GTF2A2: variants seen among roughly 807,000 people sequenced by gnomAD.
GTF2A2 encodes the protein transcription initiation factor IIA subunit 2.
GTF2A2 carries 9 observed loss-of-function variants against 14.3 expected under a neutral mutation model. The observed-to-expected ratio is 0.63, with a 90% CI of 0.38 to 1.10. GTF2A2 has a LOEUF of 1.10. Among genes scored for constraint, GTF2A2 ranks in the 50% least tolerant of loss-of-function variants. The pLI, the probability that GTF2A2 is intolerant of heterozygous loss-of-function variation, is 0.01. For synonymous variants in GTF2A2, 56 were observed against 46.0 expected (o/e 1.22, Z -0.88); for missense variants, 90 against 124.6 (o/e 0.72, Z 1.32).
rs755834900 is a variant in GTF2A2 at position 59,642,184 on chromosome 15, C to G, written c.256G>C (p.Glu86Gln). 6.2e-7 allele frequency: 1 copy of G among 1,610,424 alleles called. No individual in the cohort carries two copies. Among genetic ancestry groups the G allele is most frequent in the South Asian group, 1.1e-5 (1 of 90,562 alleles). The change falls in exon 4 of 5, where the codon GAA (glutamate) becomes CAA (glutamine). Residue 86 changes from glutamate to glutamine, a missense_variant. Physicochemically the swap from Glu to Gln is conservative, Grantham distance 29. Coordinates refer to ENST00000396060, the MANE Select transcript of GTF2A2 (RefSeq NM_004492.3). ...LNDVEFREVTELIKVDKVKIV... is the reference protein window; with the variant it reads ...LNDVEFREVTQLIKVDKVKIV... ...TTCACTTTATCCACTTTAATAAGTT[C>G]TGTCACCTCTCTGAATTCAACATCA...
At chr15:59,656,728 G>GTATTTGTCCCATTTGACAAATT (rs1891955737) in intron 1 of GTF2A2, 1 of 152,140 alleles carries the variant, frequency 6.6e-6, no homozygotes, top group Admixed American at 6.5e-5. Flanking sequence ...ATCGTGCATC[G>GTATTTGTCCCATTTGACAAATT]TGTCCCATTT....
intron 3 of GTF2A2, among the ~76,000 whole-genome samples, chr15:59,644,829 G>A (rs1024071086): frequency 6.6e-6 from 1 of 152,206 alleles, no homozygotes; most frequent in African/African-American, 2.4e-5. Flanking sequence ...GAGAACCTTG[G>A]AAAACCTTTG....
intron 1 of GTF2A2, among the ~76,000 whole-genome samples, chr15:59,653,164 G>C (rs569173658): frequency 3.3e-5 from 5 of 152,260 alleles, no homozygotes; most frequent in African/African-American, 1.2e-4. Context: ...AGAATTTTAG[G>C]CAGGAAAGGT....
At position 59,652,225 on chromosome 15, in the gene GTF2A2, C is replaced by A; in HGVS notation, c.53G>T (p.Ser18Ile). 4 of 1,593,140 alleles carry A rather than the reference C, an allele frequency of 2.5e-6. No individual in the cohort carries two copies. Among genetic ancestry groups the A allele is most frequent in the Non-Finnish European group, 3.4e-6 (4 of 1,161,954 alleles). Residue 18 changes from serine to isoleucine, a missense_variant, in exon 2 of 5, where the codon AGC becomes ATC. Physicochemically the swap from Ser to Ile is moderately radical, Grantham distance 142 (BLOSUM62 -2). Coordinates refer to ENST00000396060, the MANE Select transcript of GTF2A2 (RefSeq NM_004492.3). ...NTTLGNSLQESLDELIQSQQI... is the reference protein window; with the variant it reads ...NTTLGNSLQEILDELIQSQQI... ...TCCCACCTGTATGAGCTCATCTAGGCTCTCCTGAAGACTGTTTCCCAAAGT... is the reference window on the plus strand; with the variant it reads ...TCCCACCTGTATGAGCTCATCTAGGATCTCCTGAAGACTGTTTCCCAAAGT...
intron 3 of GTF2A2, among the ~76,000 whole-genome samples, chr15:59,648,136 C>A (rs1209431105): frequency 6.6e-6 from 1 of 151,962 alleles, no homozygotes; most frequent in African/African-American, 2.4e-5. Flanking sequence ...TGGCCGGGTG[C>A]GGTACCTCAC....
rs1179628902 is a variant in GTF2A2, at chr15:59,638,170, C to G, written c.*962G>C. On this transcript the variant is annotated 3_prime_UTR_variant, in exon 5 of 5. Transcript: ENST00000396060. Reference sequence around the variant, plus strand: ...CCTCCAGTCTCAGCCTCCTAAAGTACTGGGATTACTTACAGGTGTGAGCCA... The same window carrying G: ...CCTCCAGTCTCAGCCTCCTAAAGTAGTGGGATTACTTACAGGTGTGAGCCA... The G allele has an allele frequency of 1.3e-5, 2 of 152,114 alleles. No homozygotes were observed. The highest frequency in any genetic ancestry group is 3.8e-4 in the East Asian group (2 of 5,200). The allele number at this position is 152,114 out of a possible 1,614,324, so 9.4% of individuals were successfully genotyped here.
chr15:59,646,116 G>C (rs1282003137), intron 3 of GTF2A2, among the ~76,000 whole-genome samples: 4 of 151,984 alleles, frequency 2.6e-5, no homozygotes, highest in African/African-American at 9.7e-5. Flanking sequence ...GAGCACAGTG[G>C]TGTGATCTTG....
At chr15:59,649,002 A>G (rs1165632562) in intron 3 of GTF2A2, among the ~76,000 whole-genome samples, 3 of 152,216 alleles carry the variant, frequency 2.0e-5, no homozygotes, top group Admixed American at 1.3e-4. Flanking sequence ...GGATTATTCT[A>G]TTCTTGTAAA....
chr15:59,639,108 G>C lies in GTF2A2; in HGVS notation c.*24C>G. The C allele has an allele frequency of 3.0e-6, 4 of 1,330,632 alleles. No homozygotes were observed. The highest frequency in any genetic ancestry group is 4.3e-6 in the Non-Finnish European group (4 of 924,374). The allele number at this position is 1,330,632 out of a possible 1,614,324, so 82.4% of individuals were successfully genotyped here. A position where few individuals can be genotyped will look rare whatever the true frequency, so the allele number is the denominator to read the frequency against. On this transcript the variant is annotated 3_prime_UTR_variant, in exon 5 of 5. Coordinates refer to ENST00000396060, the MANE Select transcript of GTF2A2 (RefSeq NM_004492.3). ...AAAGCAATGAATAACAGAAGATGGT[G>C]TAAAAAAGTCATATTTTTTCTATTC...
chr15:59,651,739 T>A (rs1365718578), intron 2 of GTF2A2: 1 of 152,514 alleles, frequency 6.6e-6, no homozygotes, highest in Admixed American at 6.5e-5. Context: ...AAGGCTGGAG[T>A]ACAGTGGTAC....
At position 59,652,237 on chromosome 15, in the gene GTF2A2, C is replaced by CG; in HGVS notation, c.40_41insC (p.Ser14ThrfsTer8). The CG allele has an allele frequency of 6.2e-7, 1 of 1,603,672 alleles. No individual in the cohort carries two copies. The highest frequency in any genetic ancestry group is 8.5e-7 in the Non-Finnish European group (1 of 1,171,384). ...GAGCTCATCTAGGCTCTCCTGAAGA[C>CG]TGTTTCCCAAAGTAGTATTTCTGTA... is the stretch of plus-strand genomic sequence containing the variant. On this transcript the variant is annotated frameshift_variant, in exon 2 of 5. Transcript: ENST00000396060. LOFTEE classifies it high-confidence loss of function.
intron 1 of GTF2A2, 106 bp from the exon 2 acceptor site, chr15:59,652,432 G>A (rs936030917): frequency 3.0e-5 from 17 of 559,654 alleles, no homozygotes; most frequent in Non-Finnish European, 5.0e-5. Context: ...CTAGGAGAAC[G>A]CTTAGTGGTT....
intron 2 of GTF2A2, 177 bp downstream of exon 2, chr15:59,652,029 C>T (rs1298997615): frequency 2.0e-6 from 1 of 507,452 alleles, no homozygotes; most frequent in Non-Finnish European, 3.5e-6. Context: ...GTTTTGTGTC[C>T]TGTTGTCAGG....
chr15:59,639,795 G>C (rs1373454578), intron 4 of GTF2A2, among the ~76,000 whole-genome samples: 1 of 151,838 alleles, frequency 6.6e-6, no homozygotes, highest in African/African-American at 2.4e-5. Context: ...GTGTTGCCCA[G>C]GCTGGAGTGC....
rs557229860 is a variant in GTF2A2, at chr15:59,645,723, A to ATT, written c.178-3462_178-3461insAA. ...TTTCCAGCATCCTGAAGTTGTGTGT[A>ATT]ATCCACGATCTTAAGAGTGTGTATA... On this transcript the variant is annotated intron_variant, in intron 3 of 4. Coordinates refer to ENST00000396060, the MANE Select transcript of GTF2A2 (RefSeq NM_004492.3). 5.8e-4 allele frequency among the ~76,000 whole-genome samples: 89 copies of ATT among 152,266 alleles called. 1 individual carries two copies. The highest frequency in any genetic ancestry group is 2.1e-3 in the African/African-American group (88 of 41,546).
rs1269805711 is a variant in GTF2A2, at chr15:59,657,495, C to CGCCGCAGAA, written c.-148_-140dup. ...CTACTTCTCCGACCACCTCTCCAGC[C>CGCCGCAGAA]GCCGCAGAAACCGCAGAACTGAGCT... On this transcript the variant is annotated 5_prime_UTR_variant, in exon 1 of 5. Transcript: ENST00000396060. 1 of 152,362 alleles carries CGCCGCAGAA rather than the reference C, an allele frequency of 6.6e-6. No individual in the cohort carries two copies. The highest frequency in any genetic ancestry group is 1.9e-4 in the East Asian group (1 of 5,186). The allele number at this position is 152,362 out of a possible 1,614,324, so 9.4% of individuals were successfully genotyped here.
chr15:59,650,333 T>C (rs1488153521), intron 3 of GTF2A2, among the ~76,000 whole-genome samples: 1 of 152,178 alleles, frequency 6.6e-6, no homozygotes, highest in African/African-American at 2.4e-5. Flanking sequence ...AACAGAACCT[T>C]GGGGATTACT....
In GTF2A2 at chr15:59,639,035, T is replaced by C. The variant is rs1194897396; in HGVS notation, c.*97A>G. ...CTCTGGTATAGCACAGTGTAGTCAT[T>C]TCTGCAATTCTAGAATAAATAAAAA... is the stretch of plus-strand genomic sequence containing the variant. On this transcript the variant is annotated 3_prime_UTR_variant, in exon 5 of 5. Coordinates refer to ENST00000396060, the MANE Select transcript of GTF2A2 (RefSeq NM_004492.3). The C allele has an allele frequency of 1.3e-6, 1 of 766,578 alleles. No homozygotes were observed. Among genetic ancestry groups the C allele is most frequent in the Non-Finnish European group, 2.3e-6 (1 of 428,038 alleles). The allele number at this position is 766,578 out of a possible 1,614,324, so 47.5% of individuals were successfully genotyped here. A position where few individuals can be genotyped will look rare whatever the true frequency, so the allele number is the denominator to read the frequency against.
In GTF2A2 at chr15:59,652,035, T is replaced by G; in HGVS notation, c.72+171A>C. The G allele has an allele frequency of 1.3e-5, 7 of 545,064 alleles. No homozygotes were observed. In the South Asian group the frequency reaches 1.7e-4, roughly 13 times the overall value. 33.8% of individuals were successfully genotyped at this position (545,064 alleles called of 1,614,324 possible). On this transcript the variant is annotated intron_variant, in intron 2 of 4. Coordinates refer to ENST00000396060, the MANE Select transcript of GTF2A2 (RefSeq NM_004492.3). Reference sequence around the variant, plus strand: ...TTCAATCATGTTTTGTGTCCTGTTGTCAGGACAGTGTAATAAACAAGAATT... The same window carrying G: ...TTCAATCATGTTTTGTGTCCTGTTGGCAGGACAGTGTAATAAACAAGAATT...
Sources: gnomAD v4.1 joint callset for allele counts (sites outside exome capture counted in the v4.1 genomes callset) on GRCh38, gnomAD v4.1.1 for gene constraint, MANE v1.5 for transcripts, NCBI Gene and HGNC (gene_info 2026-07-23, HGNC 2026-07-21) for gene names.